SYNDIG1: variants seen among roughly 807,000 people sequenced by gnomAD.
SYNDIG1 encodes synapse differentiation-inducing gene protein 1.
Under a neutral mutation model 19.4 loss-of-function variants are expected in SYNDIG1, and 9 were observed. That is an observed-to-expected ratio of 0.46 (90% confidence interval 0.28 to 0.81). SYNDIG1 has a LOEUF of 0.81. SYNDIG1 is among the 30% of genes least tolerant of loss of function. The probability of loss-of-function intolerance (pLI) is 0.12; values close to 1 mark genes in which losing one functional copy is unlikely to be tolerated. For missense variants in SYNDIG1, 311 were observed against 343.3 expected, an observed-to-expected ratio of 0.91 and a Z score of 0.74; for synonymous variants, 141 against 145.9, an observed-to-expected ratio of 0.97 and a Z score of 0.24.
At chr20:24,577,789 C>A (rs1435389333) in intron 2 of SYNDIG1, among the ~76,000 whole-genome samples, 2 of 152,176 alleles carry the variant, frequency 1.3e-5, no homozygotes, top group Non-Finnish European at 2.9e-5. Flanking sequence ...AACGTTGAAA[C>A]CCTTCTCTGG....
rs558484414 is a variant in SYNDIG1, at chr20:24,553,028, T to A, written c.480+9451T>A. 1.1e-4 allele frequency among the ~76,000 whole-genome samples: 16 copies of A among 152,014 alleles called. No individual in the cohort carries two copies. The East Asian group carries it at 2.7e-3, about 26-fold the overall frequency. ...TAACTGGTGTGAGATGGTATCTCAT[T>A]GTGGTTTTGATTTGCATTTCTCTGA... On this transcript the variant is annotated intron_variant, in intron 2 of 3. Transcript: ENST00000376862.
intron 2 of SYNDIG1, among the ~76,000 whole-genome samples, chr20:24,562,175 G>A (rs1428493485): frequency 1.3e-5 from 2 of 151,772 alleles, no homozygotes; most frequent in Non-Finnish European, 2.9e-5. Flanking sequence ...TCACACAAAG[G>A]AATCAGTTTC....
intron 3 of SYNDIG1, among the ~76,000 whole-genome samples, chr20:24,620,624 G>A (rs186674384): frequency 6.6e-6 from 1 of 152,302 alleles, no homozygotes; most frequent in East Asian, 1.9e-4. Context: ...GGACTGTACT[G>A]GTCAAGGCAT....
chr20:24,507,582 GC>G (rs1213547419), intron 1 of SYNDIG1, among the ~76,000 whole-genome samples: 1 of 152,192 alleles, frequency 6.6e-6, no homozygotes, highest in African/African-American at 2.4e-5. Flanking sequence ...AATGTGGCCT[GC>G]AGAAGAGTCC....
At chr20:24,508,957 C>T (rs1328770084) in intron 1 of SYNDIG1, among the ~76,000 whole-genome samples, 1 of 152,202 alleles carries the variant, frequency 6.6e-6, no homozygotes, top group Non-Finnish European at 1.5e-5. Flanking sequence ...CAACCCAACA[C>T]ATTCATGGCG....
intron 1 of SYNDIG1, among the ~76,000 whole-genome samples, chr20:24,526,502 T>G (rs1475344372): frequency 6.6e-6 from 1 of 152,192 alleles, no homozygotes; most frequent in Non-Finnish European, 1.5e-5. Context: ...CCTCCTGATT[T>G]ACATGCTATT....
At chr20:24,536,480 G>A (rs746038677) in intron 1 of SYNDIG1, among the ~76,000 whole-genome samples, 26 of 152,144 alleles carry the variant, frequency 1.7e-4, no homozygotes, top group South Asian at 2.1e-4. Context: ...ACTAAGAAGC[G>A]CTGTCTGTCT....
intron 1 of SYNDIG1, among the ~76,000 whole-genome samples, chr20:24,518,799 C>T (rs1024948800): frequency 2.0e-5 from 3 of 152,156 alleles, no homozygotes; most frequent in African/African-American, 7.2e-5. Context: ...CCATGGTCTT[C>T]AAAACATAAA....
At chr20:24,575,528 A>G (rs190550794) in intron 2 of SYNDIG1, among the ~76,000 whole-genome samples, 95 of 152,340 alleles carry the variant, frequency 6.2e-4, no homozygotes, top group African/African-American at 2.2e-3. Context: ...CCTCATTTAC[A>G]GCAGTCAAGC....
chr20:24,502,527 A>G (rs1173083886), intron 1 of SYNDIG1, among the ~76,000 whole-genome samples: 1 of 152,206 alleles, frequency 6.6e-6, no homozygotes, highest in Non-Finnish European at 1.5e-5. Context: ...AATCTCTCAG[A>G]ATCCTCACCC....
At chr20:24,509,101 A>C (rs1404120588) in intron 1 of SYNDIG1, among the ~76,000 whole-genome samples, 2 of 152,224 alleles carry the variant, frequency 1.3e-5, no homozygotes, top group East Asian at 3.8e-4. Context: ...TAATTTTAGC[A>C]GAAACCCCTG....
At chr20:24,661,548 G>A (rs73100747) in intron 3 of SYNDIG1, among the ~76,000 whole-genome samples, 7,794 of 134,492 alleles carry the variant, frequency 0.058, 384 homozygotes, top group Non-Finnish European at 0.084. Flanking sequence ...AAGGAGGGAG[G>A]GAGGAAAAAA....
rs182071640 is a variant in SYNDIG1, at chr20:24,504,180, G to C, written c.-79+34427G>C. 7.1e-3 allele frequency among the ~76,000 whole-genome samples: 1,084 copies of C among 152,176 alleles called. 14 individuals carry two copies. Among genetic ancestry groups the C allele is most frequent in the African/African-American group, 0.023 (951 of 41,546 alleles). On this transcript the variant is annotated intron_variant, in intron 1 of 3. Transcript: ENST00000376862. Reference sequence around the variant, plus strand: ...TCACCGTGTTAGCCAGGATAGTCTTGGTCTCCTGACCTCGTGATCCGCCCG... The same window carrying C: ...TCACCGTGTTAGCCAGGATAGTCTTCGTCTCCTGACCTCGTGATCCGCCCG...
intron 3 of SYNDIG1, among the ~76,000 whole-genome samples, chr20:24,612,311 C>T (rs777727327): frequency 2.6e-5 from 4 of 152,200 alleles, no homozygotes; most frequent in Non-Finnish European, 5.9e-5. Context: ...AATTTTTGGA[C>T]AGGGCTTAAC....
intron 3 of SYNDIG1, among the ~76,000 whole-genome samples, chr20:24,616,925 C>T (rs2058943842): frequency 6.6e-6 from 1 of 152,128 alleles, no homozygotes; most frequent in South Asian, 2.1e-4. Flanking sequence ...TTTGAAATAC[C>T]AGGCCACGTA....
In SYNDIG1 at chr20:24,666,122, C is replaced by A. The variant is rs1600850512; in HGVS notation, c.*618C>A. On this transcript the variant is annotated 3_prime_UTR_variant, in exon 4 of 4. Coordinates refer to ENST00000376862, the MANE Select transcript of SYNDIG1 (RefSeq NM_024893.3). The stretch of plus-strand genomic sequence containing the variant: ...CCCCTCTTTCTTTCCCTTCACACCA[C>A]CCCAGCCTCAGGATGTCAAGCCACC... 6.5e-6 allele frequency: 1 copy of A among 153,356 alleles called. No individual in the cohort carries two copies. Among genetic ancestry groups the A allele is most frequent in the African/African-American group, 2.4e-5 (1 of 41,470 alleles). The allele number at this position is 153,356 out of a possible 1,614,324, so 9.5% of individuals were successfully genotyped here. A position where few individuals can be genotyped will look rare whatever the true frequency, so the allele number is the denominator to read the frequency against.
At position 24,610,508 on chromosome 20, in the gene SYNDIG1, C is replaced by T. The variant is rs1252131135; in HGVS notation, c.618+25515C>T. Among the ~76,000 whole-genome samples the T allele has an allele frequency of 1.1e-4, 16 of 152,208 alleles. 1 individual carries two copies. Among genetic ancestry groups the T allele is most frequent in the Admixed American group, 1.0e-3 (16 of 15,284 alleles). On this transcript the variant is annotated intron_variant, in intron 3 of 3. Coordinates refer to ENST00000376862, the MANE Select transcript of SYNDIG1 (RefSeq NM_024893.3). The stretch of plus-strand genomic sequence containing the variant: ...TGTACTATCCCCATCTCTGATTCCA[C>T]AGCAGGGTTCCTGAGTCACACACAC...
intron 3 of SYNDIG1, among the ~76,000 whole-genome samples, chr20:24,661,487 A>AAGAGGGAGG (rs565674556): frequency 0.23 from 3,100 of 13,224 alleles, 221 homozygotes; most frequent in Non-Finnish European, 0.27. Context: ...AGAGGGAGGA[A>AAGAGGGAGG]GAAGGGAGGG....
chr20:24,477,272 C>G (rs908794232), intron 1 of SYNDIG1, among the ~76,000 whole-genome samples: 1 of 152,172 alleles, frequency 6.6e-6, no homozygotes, highest in South Asian at 2.1e-4. Context: ...CTGGGGTGAC[C>G]AGGTGGCCCT....
Sources: allele counts gnomAD v4.1 joint callset (sites outside exome capture counted in the v4.1 genomes callset), GRCh38; gene constraint gnomAD v4.1.1; transcripts MANE v1.5; gene names NCBI Gene and HGNC (gene_info 2026-07-23, HGNC 2026-07-21).